RC3H1: variants seen among roughly 807,000 people sequenced by gnomAD.
RC3H1 encodes roquin-1.
Under a neutral mutation model 138.2 loss-of-function variants are expected in RC3H1, and 50 were observed. The ratio of observed to expected loss-of-function variants is 0.36; its 90% confidence interval spans 0.29 to 0.46. The LOEUF is 0.46. RC3H1 is among the 20% of genes least tolerant of loss of function. RC3H1 has a pLI of 1.00. For synonymous variants in RC3H1, 462 were observed against 489.1 expected (o/e 0.94, Z 0.73); for missense variants, 1,031 against 1,388.1 (o/e 0.74, Z 4.09).
At chr1:174,013,149 T>C (rs888843459) in intron 1 of RC3H1, among the ~76,000 whole-genome samples, 21 of 151,954 alleles carry the variant, frequency 1.4e-4, no homozygotes, top group African/African-American at 5.1e-4. Flanking sequence ...GAGTAAAGGA[T>C]TTTAAATAAC....
In RC3H1 at chr1:173,961,881, T is replaced by C; in HGVS notation, c.2046A>G (p.Thr682=). 6.2e-7 allele frequency: 1 copy of C among 1,614,134 alleles called. No individual in the cohort carries two copies. Reference sequence around the variant, plus strand: ...GGCTTTCTCGGAATATCTCTTCTCTTGTGTAAGACGGAGCAGGGTACACTC... The same window carrying C: ...GGCTTTCTCGGAATATCTCTTCTCTCGTGTAAGACGGAGCAGGGTACACTC... The part of the protein sequence containing the change: ...GRRVYPAPSY[T]REEIFRESPI... Residue 682 remains threonine (T), a synonymous_variant, in exon 12 of 20, where the codon ACA becomes ACG. Coordinates refer to ENST00000367696, the MANE Select transcript of RC3H1 (RefSeq NM_172071.4).
intron 13 of RC3H1, among the ~76,000 whole-genome samples, chr1:173,953,192 A>AT: frequency 6.6e-6 from 1 of 152,212 alleles, no homozygotes; most frequent in South Asian, 2.1e-4. Context: ...TATTTAAAAA[A>AT]TTTTTATCCT....
intron 8 of RC3H1, among the ~76,000 whole-genome samples, chr1:173,971,297 T>C (rs576796089): frequency 1.3e-5 from 2 of 152,272 alleles, no homozygotes; most frequent in Admixed American, 6.5e-5. Flanking sequence ...AACAAACCAC[T>C]GTAGTTTAAG....
intron 1 of RC3H1, chr1:174,015,938 T>A (rs1447742517): frequency 6.6e-6 from 1 of 152,144 alleles, no homozygotes; most frequent in East Asian, 1.9e-4. Flanking sequence ...CAGTGGCTCA[T>A]GTCTGTAATC....
intron 1 of RC3H1, among the ~76,000 whole-genome samples, chr1:173,993,946 G>A (rs535486373): frequency 2.0e-5 from 3 of 149,612 alleles, no homozygotes; most frequent in Non-Finnish European, 4.4e-5. Flanking sequence ...CTTAAACCCG[G>A]GAGGCGGAGG....
Position 173,980,941 on chromosome 1 carries a change from C to T in RC3H1, c.837G>A (p.Leu279=). The change falls in exon 6 of 20, where the codon CTG becomes CTA. Residue 279 remains leucine (L), a synonymous_variant. Coordinates refer to ENST00000367696, the MANE Select transcript of RC3H1 (RefSeq NM_172071.4). ...LKEEFRTYEA[L]RREHDSQIVQ... ...CTATCTGGGAGTCATGTTCTCGCCG[C>T]AGAGCTTCATAGGTTCTAAATTCTT... 1 of 1,613,996 alleles carries T rather than the reference C, an allele frequency of 6.2e-7. No homozygotes were observed. The highest frequency in any genetic ancestry group is 8.5e-7 in the Non-Finnish European group (1 of 1,179,902).
chr1:173,983,745 A>T (rs915934357), intron 3 of RC3H1, 88 bp from the exon 4 acceptor site: 1 of 1,358,262 alleles, frequency 7.4e-7, no homozygotes, highest in African/African-American at 1.4e-5. Flanking sequence ...ACTTGTGGGT[A>T]TGTGACTAGT....
intron 1 of RC3H1, among the ~76,000 whole-genome samples, chr1:173,996,547 C>T (rs887137114): frequency 1.3e-5 from 2 of 152,132 alleles, no homozygotes; most frequent in Non-Finnish European, 2.9e-5. Context: ...GTCACCTAGA[C>T]AGCTGGAACC....
rs779154209 is a variant in RC3H1 at position 173,946,713 on chromosome 1, CAT to C, written c.2828+31_2828+32del. 343 of 1,600,872 alleles carry C rather than the reference CAT, an allele frequency of 2.1e-4. No homozygotes were observed. In the Middle Eastern group the frequency reaches 4.3e-3, roughly 20 times the overall value. On this transcript the variant is annotated intron_variant, in intron 16 of 19. Transcript: ENST00000367696. Reference sequence around the variant, plus strand: ...AGTTGCCTAATTTTAAAGGTTTCTACATGTTTGTTCAAGTAAAAAGAATGACT... The same window carrying C: ...AGTTGCCTAATTTTAAAGGTTTCTACGTTTGTTCAAGTAAAAAGAATGACT...
chr1:173,997,737 G>A (rs1358733888), intron 1 of RC3H1, among the ~76,000 whole-genome samples: 1 of 151,818 alleles, frequency 6.6e-6, no homozygotes, highest in Non-Finnish European at 1.5e-5. Context: ...GAGACCAAGG[G>A]GAAAATAATA....
chr1:173,975,897 CAAAAAAAAAAAAAAAAAAAAAAA>C (rs71299434), intron 7 of RC3H1, among the ~76,000 whole-genome samples: 2 of 3,606 alleles, frequency 5.5e-4, no homozygotes, highest in Admixed American at 4.1e-3. Flanking sequence ...GACTCCGTCT[CAAAAAAAAAAAAAAAAAAAAAAA>C]AAAAAAAAAA....
Position 173,978,474 on chromosome 1 carries a change from T to A in RC3H1, c.1102+14A>T. 6.2e-7 allele frequency: 1 copy of A among 1,612,572 alleles called. No individual in the cohort carries two copies. The highest frequency in any genetic ancestry group is 8.5e-7 in the Non-Finnish European group (1 of 1,179,458). On this transcript the variant is annotated intron_variant, in intron 7 of 19. Transcript: ENST00000367696. Reference sequence around the variant, plus strand: ...GCACATATAAGATAGTCCATTAATTTCCCGTGGGTTTACCTGGACTAGGGT... The same window carrying A: ...GCACATATAAGATAGTCCATTAATTACCCGTGGGTTTACCTGGACTAGGGT...
In RC3H1 at chr1:173,936,755, ATATATATTT is replaced by A. The variant is rs1256283777; in HGVS notation, c.*1957_*1965del. On this transcript the variant is annotated 3_prime_UTR_variant, in exon 20 of 20. Coordinates refer to ENST00000367696, the MANE Select transcript of RC3H1 (RefSeq NM_172071.4). ...CATATATATATATATATATATATAT[ATATATATTT>A]TTTTTTTTTTTTTTAAAAAAAGAAG... 4.3e-3 allele frequency: 175 copies of A among 40,674 alleles called. 1 individual carries two copies. The highest frequency in any genetic ancestry group is 6.1e-3 in the African/African-American group (14 of 2,294). The allele number at this position is 40,674 out of a possible 1,614,324, so 2.5% of individuals were successfully genotyped here.
chr1:173,971,056 G>A (rs1025989242), intron 8 of RC3H1, among the ~76,000 whole-genome samples: 9 of 149,322 alleles, frequency 6.0e-5, no homozygotes, highest in African/African-American at 1.7e-4. Context: ...CCACCTCCCC[G>A]GCTCAAGCGA....
In RC3H1 at chr1:173,964,756, T is replaced by TA; in HGVS notation, c.1616+82dup. On this transcript the variant is annotated intron_variant, in intron 10 of 19. Transcript: ENST00000367696. ...AAAAATAATCAGGGTTTTTTTTTTT[T>TA]AAATCCCAAACATTAATTATTCTAT... 1.1e-5 allele frequency: 14 copies of TA among 1,240,562 alleles called. No homozygotes were observed. The South Asian group carries it at 1.7e-4, about 15-fold the overall frequency. The allele number at this position is 1,240,562 out of a possible 1,614,324, so 76.8% of individuals were successfully genotyped here. A position where few individuals can be genotyped will look rare whatever the true frequency, so the allele number is the denominator to read the frequency against.
At chr1:173,986,829 G>A (rs1353571729) in intron 2 of RC3H1, among the ~76,000 whole-genome samples, 3 of 152,186 alleles carry the variant, frequency 2.0e-5, no homozygotes, top group African/African-American at 4.8e-5. Context: ...CTCTCAAAGC[G>A]CTGGGATTAC....
intron 13 of RC3H1, among the ~76,000 whole-genome samples, chr1:173,952,393 AGCAG>A (rs1659450609): frequency 1.4e-5 from 1 of 73,380 alleles, no homozygotes; most frequent in Non-Finnish European, 2.6e-5. Context: ...TTTTTACCTT[AGCAG>A]AAGGTAAAAA....
At position 173,935,821 on chromosome 1, in the gene RC3H1, A is replaced by G. The variant is rs1407596; in HGVS notation, c.*2900T>C. 43,950 of 152,092 alleles carry G rather than the reference A, an allele frequency of 0.29. 11,361 individuals carry two copies. Among genetic ancestry groups the G allele is most frequent in the African/African-American group, 0.7 (28,947 of 41,436 alleles). 9.4% of individuals were successfully genotyped at this position (152,092 alleles called of 1,614,324 possible). On this transcript the variant is annotated 3_prime_UTR_variant, in exon 20 of 20. Coordinates refer to ENST00000367696, the MANE Select transcript of RC3H1 (RefSeq NM_172071.4). ...AATTTCCATTAGGTAAGGTGGAATG[A>G]CCAATTTAAAATACATTATAGGCAC...
chr1:173,931,166 C>G lies in RC3H1; in HGVS notation c.*7555G>C, dbSNP rs1395320038. On this transcript the variant is annotated 3_prime_UTR_variant, in exon 20 of 20. Transcript: ENST00000367696. Reference sequence around the variant, plus strand: ...CATTAAAAACGTGTAAGAAAGTAATCTCAAGATTAGAATAAGATGGCACAC... The same window carrying G: ...CATTAAAAACGTGTAAGAAAGTAATGTCAAGATTAGAATAAGATGGCACAC... 6.6e-6 allele frequency: 1 copy of G among 152,186 alleles called. No homozygotes were observed. Among genetic ancestry groups the G allele is most frequent in the Admixed American group, 6.5e-5 (1 of 15,276 alleles). 9.4% of individuals were successfully genotyped at this position (152,186 alleles called of 1,614,324 possible). A position where few individuals can be genotyped will look rare whatever the true frequency, so the allele number is the denominator to read the frequency against.
Sources: gnomAD v4.1 joint callset for allele counts (sites outside exome capture counted in the v4.1 genomes callset) on GRCh38, gnomAD v4.1.1 for gene constraint, MANE v1.5 for transcripts, NCBI Gene and HGNC (gene_info 2026-07-23, HGNC 2026-07-21) for gene names.